ANKS1B: variants seen among roughly 807,000 people sequenced by gnomAD.
ANKS1B encodes ankyrin repeat and sterile alpha motif domain-containing protein 1B.
ANKS1B carries 36 observed loss-of-function variants against 148.3 expected under a neutral mutation model. That is an observed-to-expected ratio of 0.24 (90% CI 0.19 to 0.32). The LOEUF is 0.32. ANKS1B is among the 10% of genes least tolerant of loss of function. The pLI is 1.00. For missense variants in ANKS1B, 1,157 were observed against 1,542.6 expected (o/e 0.75, Z 4.19); for synonymous variants, 542 against 560.8 (o/e 0.97, Z 0.47).
chr12:99,902,226 T>C (rs1156437409), intron 1 of ANKS1B, among the ~76,000 whole-genome samples: 1 of 151,976 alleles, frequency 6.6e-6, no homozygotes, highest in African/African-American at 2.4e-5. Context: ...AGCTGAAATA[T>C]AAAAAGAAAG....
chr12:99,731,887 T>C (rs1246290797), intron 8 of ANKS1B, among the ~76,000 whole-genome samples: 2 of 152,168 alleles, frequency 1.3e-5, no homozygotes, highest in East Asian at 3.8e-4. Flanking sequence ...AGCCAAAGAC[T>C]ACGAGAATAA....
intron 12 of ANKS1B, among the ~76,000 whole-genome samples, chr12:99,290,364 A>G (rs140346312): frequency 1.3e-5 from 2 of 152,004 alleles, no homozygotes; most frequent in East Asian, 3.9e-4. Flanking sequence ...ACTAATACCA[A>G]TCCTACTCAA....
At chr12:99,824,361 G>A (rs535909313) in intron 2 of ANKS1B, among the ~76,000 whole-genome samples, 9 of 152,152 alleles carry the variant, frequency 5.9e-5, no homozygotes, top group Non-Finnish European at 7.4e-5. Flanking sequence ...TTGGCCAGGC[G>A]TGGTGGTGGG....
intron 1 of ANKS1B, among the ~76,000 whole-genome samples, chr12:99,956,991 TA>T (rs2153828329): frequency 6.6e-6 from 1 of 152,352 alleles, no homozygotes; most frequent in South Asian, 2.1e-4. Context: ...CTGTTCCTCG[TA>T]AAGTGGAGTC....
intron 8 of ANKS1B, among the ~76,000 whole-genome samples, chr12:99,717,423 G>C (rs994549122): frequency 2.0e-5 from 3 of 152,176 alleles, no homozygotes; most frequent in African/African-American, 4.8e-5. Flanking sequence ...GCAGTGGCCA[G>C]GTGTTCCTCC....
intron 9 of ANKS1B, 103 bp downstream of exon 9, chr12:99,654,964 G>T: frequency 7.6e-7 from 1 of 1,309,806 alleles, no homozygotes; most frequent in South Asian, 1.7e-5. Context: ...ATCACAAAGT[G>T]AACAAGATCC....
chr12:99,660,363 C>CTTTTTTTTT (rs71088137), intron 8 of ANKS1B, among the ~76,000 whole-genome samples: 5 of 120,588 alleles, frequency 4.1e-5, no homozygotes, highest in Admixed American at 9.4e-5. Context: ...TTTTCTTTTT[C>CTTTTTTTTT]TTTTTTTTTT....
chr12:99,031,497 G>A (rs1344374098), intron 17 of ANKS1B, among the ~76,000 whole-genome samples: 2 of 152,142 alleles, frequency 1.3e-5, no homozygotes, highest in South Asian at 2.1e-4. Flanking sequence ...CAAGTTGGAC[G>A]GTGGCTGTGT....
intron 16 of ANKS1B, among the ~76,000 whole-genome samples, chr12:99,059,804 T>TATATATGA (rs1166735066): frequency 6.8e-6 from 1 of 146,722 alleles, no homozygotes; most frequent in African/African-American, 2.6e-5. Flanking sequence ...TATATATATA[T>TATATATGA]ATGATAGGAC....
intron 15 of ANKS1B, among the ~76,000 whole-genome samples, chr12:99,121,366 C>T (rs533217984): frequency 2.4e-3 from 199 of 83,326 alleles, no homozygotes; most frequent in African/African-American, 5.9e-3. Context: ...TGTATTTTCC[C>T]CCCAAATATA....
intron 17 of ANKS1B, among the ~76,000 whole-genome samples, chr12:98,933,741 G>T (rs961746217): frequency 6.6e-6 from 1 of 151,930 alleles, no homozygotes; most frequent in Non-Finnish European, 1.5e-5. Flanking sequence ...TTTCCCTGAT[G>T]ATTAGTGATG....
At chr12:99,084,536 C>A (rs908963619) in intron 16 of ANKS1B, among the ~76,000 whole-genome samples, 1 of 152,076 alleles carries the variant, frequency 6.6e-6, no homozygotes, top group South Asian at 2.1e-4. Flanking sequence ...GGCAAAATCC[C>A]ATCTCTACTA....
intron 1 of ANKS1B, among the ~76,000 whole-genome samples, chr12:99,870,363 C>T (rs1448509004): frequency 6.6e-6 from 1 of 152,136 alleles, no homozygotes; most frequent in Non-Finnish European, 1.5e-5. Flanking sequence ...CGGTTGATTC[C>T]ATGTCTTTAC....
At chr12:99,384,302 C>T (rs71462275) in intron 12 of ANKS1B, among the ~76,000 whole-genome samples, 2,803 of 152,176 alleles carry the variant, frequency 0.018, 56 homozygotes, top group Middle Eastern at 0.034. Flanking sequence ...GTTTCCTAAC[C>T]ACGGTGAGCC....
intron 8 of ANKS1B, among the ~76,000 whole-genome samples, chr12:99,735,613 G>A (rs12369374): frequency 0.23 from 34,953 of 151,698 alleles, 4,562 homozygotes; most frequent in Non-Finnish European, 0.31. Context: ...AACTGAATCT[G>A]TAATAAAAAG....
intron 12 of ANKS1B, among the ~76,000 whole-genome samples, chr12:99,254,825 T>A (rs1331454850): frequency 6.6e-6 from 1 of 152,214 alleles, no homozygotes; most frequent in Non-Finnish European, 1.5e-5. Context: ...TTCTCTAATG[T>A]TAAACATTAG....
At position 98,817,539 on chromosome 12, in the gene ANKS1B, C is replaced by T. The variant is rs75635513; in HGVS notation, c.3067-9621G>A. The stretch of plus-strand genomic sequence containing the variant: ...CTGATTACTTCTTCCTGCCCACCAT[C>T]GGAGACAGAGGAACACTCCTCCTTC... On this transcript the variant is annotated intron_variant, in intron 19 of 26. Transcript: ENST00000683438. Among the ~76,000 whole-genome samples the T allele has an allele frequency of 3.1e-3, 471 of 152,344 alleles. 1 individual carries two copies. Among genetic ancestry groups the T allele is most frequent in the Non-Finnish European group, 5.2e-3 (354 of 68,026 alleles).
chr12:99,085,676 T>A (rs1172888626), intron 15 of ANKS1B, among the ~76,000 whole-genome samples: 1 of 152,192 alleles, frequency 6.6e-6, no homozygotes, highest in Non-Finnish European at 1.5e-5. Flanking sequence ...TGGAATACTG[T>A]GCAGCCATAG....
chr12:98,794,956 G>A, intron 22 of ANKS1B: 1 of 1,189,454 alleles, frequency 8.4e-7, no homozygotes, highest in South Asian at 1.2e-5. Context: ...TGTGGACATG[G>A]AAGATGCTTC....
Sources: allele counts gnomAD v4.1 joint callset (sites outside exome capture counted in the v4.1 genomes callset), GRCh38; gene constraint gnomAD v4.1.1; transcripts MANE v1.5; gene names NCBI Gene and HGNC (gene_info 2026-07-23, HGNC 2026-07-21).